The following PIK3R3 variants were observed in gnomAD, a reference collection of about 807,000 sequenced individuals.
The protein encoded by PIK3R3 is phosphatidylinositol 3-kinase regulatory subunit gamma.
A neutral mutation model predicts 62.9 loss-of-function variants in PIK3R3; 64 were observed. The ratio of observed to expected loss-of-function variants is 1.02; its 90% CI spans 0.83 to 1.25. The LOEUF (loss-of-function observed/expected upper bound fraction) is 1.25. Ranked by LOEUF, PIK3R3 falls within the 50% of genes most tolerant of loss-of-function variation. The probability of loss-of-function intolerance (pLI) is 0.00; values close to 1 mark genes in which losing one functional copy is unlikely to be tolerated. For missense variants in PIK3R3, 614 were observed against 561.6 expected (o/e 1.09, Z -0.94); for synonymous variants, 165 against 189.0 (o/e 0.87, Z 1.04).
the PIK3R3 span, among the ~76,000 whole-genome samples, chr1:46,148,223 T>A: frequency 6.7e-3 from 1,017 of 152,298 alleles, 14 homozygotes; most frequent in Middle Eastern, 0.027. Flanking sequence ...TGGTCCAGTA[T>A]CACTGTGGTA....
chr1:46,066,150 A>G lies in PIK3R3; in HGVS notation c.525T>C (p.Asp175=), dbSNP rs1475734751. Residue 175 remains aspartate (D), a synonymous_variant, in exon 5 of 10, where the codon GAT becomes GAC. Transcript: ENST00000262741. ...QDQLVKEDNI[D]AVGKKLQEYH... ...ATTCTTGCAGTTTTTTACCTACTGCATCAATATTATCTTCTTTTACCAACT... is the reference window on the plus strand; with the variant it reads ...ATTCTTGCAGTTTTTTACCTACTGCGTCAATATTATCTTCTTTTACCAACT... The G allele has an allele frequency of 6.3e-7, 1 of 1,582,666 alleles. No homozygotes were observed. Among genetic ancestry groups the G allele is most frequent in the South Asian group, 1.1e-5 (1 of 90,410 alleles).
chr1:46,110,456 T>A (rs568884622), intron 1 of PIK3R3, among the ~76,000 whole-genome samples: 218 of 152,104 alleles, frequency 1.4e-3, no homozygotes, highest in Non-Finnish European at 2.4e-3. Context: ...ACTTTTTTTT[T>A]AAGACTCAAA....
At chr1:46,096,726 A>G (rs1652160602) in intron 1 of PIK3R3, among the ~76,000 whole-genome samples, 1 of 151,974 alleles carries the variant, frequency 6.6e-6, no homozygotes, top group African/African-American at 2.4e-5. Context: ...GTGAAATCCC[A>G]GCTACTTGGA....
At chr1:46,119,773 ATTT>A (rs749113212) in intron 1 of PIK3R3, among the ~76,000 whole-genome samples, 58 of 124,304 alleles carry the variant, frequency 4.7e-4, no homozygotes, top group Middle Eastern at 4.3e-3. Context: ...CCAACTCCTA[ATTT>A]TTTTTTTTTT....
At position 46,041,667 on chromosome 1, in the gene PIK3R3, C is replaced by G. The variant is rs1487257842; in HGVS notation, c.*2006G>C. The G allele has an allele frequency of 5.3e-6, 1 of 188,060 alleles. No individual in the cohort carries two copies. The highest frequency in any genetic ancestry group is 1.1e-5 in the Non-Finnish European group (1 of 88,998). 11.6% of individuals were successfully genotyped at this position (188,060 alleles called of 1,614,324 possible). On this transcript the variant is annotated 3_prime_UTR_variant, in exon 10 of 10. Transcript: ENST00000262741. ...CCAGGTGCAAAGCCATCCAGGTGTG[C>G]CCAACAGCAATTAGCTTGGTATTAT...
the PIK3R3 span, among the ~76,000 whole-genome samples, chr1:46,170,348 C>G: frequency 6.6e-6 from 1 of 152,132 alleles, no homozygotes; most frequent in Non-Finnish European, 1.5e-5. Context: ...CTGCCCCCTG[C>G]CCCTCATCTT....
intron 1 of PIK3R3, among the ~76,000 whole-genome samples, chr1:46,130,588 C>G (rs890296858): frequency 2.6e-5 from 4 of 152,046 alleles, no homozygotes; most frequent in Non-Finnish European, 4.4e-5. Context: ...GATAATTCAC[C>G]GTTTGCAAGG....
the PIK3R3 span, among the ~76,000 whole-genome samples, chr1:46,174,237 A>G: frequency 6.6e-6 from 1 of 152,056 alleles, no homozygotes; most frequent in Non-Finnish European, 1.5e-5. Flanking sequence ...GAACTGTGTC[A>G]TGTATCTTTA....
At chr1:46,105,739 T>C (rs970288399) in intron 1 of PIK3R3, among the ~76,000 whole-genome samples, 2 of 145,928 alleles carry the variant, frequency 1.4e-5, no homozygotes, top group Non-Finnish European at 3.0e-5. Context: ...GAGAATCGCT[T>C]GAACCCCGGG....
intron 7 of PIK3R3, 94 bp downstream of exon 7, chr1:46,055,701 A>C (rs532353168): frequency 2.4e-6 from 2 of 837,892 alleles, no homozygotes; most frequent in South Asian, 3.7e-5. Flanking sequence ...CTCAATTACA[A>C]ATCTCTAATC....
chr1:46,107,193 T>C (rs1332890577), intron 1 of PIK3R3, among the ~76,000 whole-genome samples: 2 of 151,618 alleles, frequency 1.3e-5, no homozygotes, highest in African/African-American at 4.8e-5. Flanking sequence ...CTACTAAAAA[T>C]ACAAAAATTA....
At chr1:46,120,646 A>T (rs978587101) in intron 1 of PIK3R3, among the ~76,000 whole-genome samples, 17 of 152,214 alleles carry the variant, frequency 1.1e-4, no homozygotes, top group Non-Finnish European at 4.4e-5. Flanking sequence ...TAACTTGCTA[A>T]TACTGTTTAT....
At chr1:46,142,401 T>C in the PIK3R3 span, among the ~76,000 whole-genome samples, 3 of 152,154 alleles carry the variant, frequency 2.0e-5, no homozygotes, top group Admixed American at 6.5e-5. Context: ...TTGAGGACAT[T>C]GAAATTAATT....
chr1:46,111,783 C>T (rs1165313125), intron 1 of PIK3R3, among the ~76,000 whole-genome samples: 1 of 152,056 alleles, frequency 6.6e-6, no homozygotes, highest in Admixed American at 6.6e-5. Context: ...TCTATAAAAT[C>T]TTTATCTAGG....
At chr1:46,085,325 A>G (rs1404583096) in intron 1 of PIK3R3, among the ~76,000 whole-genome samples, 4 of 152,228 alleles carry the variant, frequency 2.6e-5, no homozygotes, top group South Asian at 2.1e-4. Context: ...AGCTGTGAAC[A>G]TAACAATGAA....
At chr1:46,075,601 G>A (rs964314524) in intron 3 of PIK3R3, among the ~76,000 whole-genome samples, 3 of 151,174 alleles carry the variant, frequency 2.0e-5, no homozygotes, top group African/African-American at 7.3e-5. Flanking sequence ...CAGCCTAGGA[G>A]ACAGAGCAAT....
chr1:46,061,856 C>G (rs1648519737), intron 6 of PIK3R3, 73 bp downstream of exon 6: 1 of 1,444,244 alleles, frequency 6.9e-7, no homozygotes. Flanking sequence ...TAAAAGAAAA[C>G]AAGACAGAAA....
At chr1:46,174,427 T>C in the PIK3R3 span, among the ~76,000 whole-genome samples, 17 of 152,076 alleles carry the variant, frequency 1.1e-4, no homozygotes, top group Non-Finnish European at 2.1e-4. Context: ...TTGGGGTAGA[T>C]AGACATAAGC....
chr1:46,055,679 T>C, intron 7 of PIK3R3, 116 bp downstream of exon 7: 2 of 710,288 alleles, frequency 2.8e-6, no homozygotes, highest in Admixed American at 5.6e-5. Flanking sequence ...CTTACCATCT[T>C]ACTGGCCAAT....
Sources: gnomAD v4.1 joint callset for allele counts (sites outside exome capture counted in the v4.1 genomes callset) on GRCh38, gnomAD v4.1.1 for gene constraint, MANE v1.5 for transcripts, NCBI Gene and HGNC (gene_info 2026-07-23, HGNC 2026-07-21) for gene names.